NBEA: variants seen among roughly 807,000 people sequenced by gnomAD.
NBEA encodes the protein neurobeachin, also known as lysosomal-trafficking regulator 2.
NBEA carries 44 observed loss-of-function variants against 343.4 expected under a neutral mutation model. That is an observed-to-expected ratio of 0.13 (90% CI 0.10 to 0.16). NBEA has a LOEUF of 0.16. Ranked by LOEUF, NBEA falls within the 10% of genes least tolerant of loss-of-function variation. NBEA has a pLI of 1.00. For synonymous variants in NBEA, 1,175 were observed against 1,238.7 expected (o/e 0.95, Z 1.08); for missense variants, 2,555 against 3,631.3 (o/e 0.70, Z 7.62).
chr13:35,573,401 G>T (rs1306158814), intron 45 of NBEA, among the ~76,000 whole-genome samples: 3 of 152,052 alleles, frequency 2.0e-5, no homozygotes, highest in Admixed American at 2.0e-4. Context: ...CCTTCTAATT[G>T]AAAAAATGGA....
intron 38 of NBEA, among the ~76,000 whole-genome samples, chr13:35,362,838 T>C (rs1280495261): frequency 1.3e-5 from 2 of 151,936 alleles, no homozygotes; most frequent in African/African-American, 2.4e-5. Flanking sequence ...GTCAAAATAA[T>C]AATTTAAATA....
At chr13:35,591,533 A>C (rs2081541308) in intron 46 of NBEA, among the ~76,000 whole-genome samples, 1 of 152,064 alleles carries the variant, frequency 6.6e-6, no homozygotes, top group South Asian at 2.1e-4. Flanking sequence ...GTGAATCAAT[A>C]CTGTCCCCCT....
chr13:35,647,227 T>C (rs2084279150), intron 51 of NBEA, among the ~76,000 whole-genome samples: 1 of 152,152 alleles, frequency 6.6e-6, no homozygotes, highest in South Asian at 2.1e-4. Context: ...TTCTTTAGAA[T>C]TTTTTTTAAA....
At chr13:35,460,346 TG>T (rs2046831498) in intron 40 of NBEA, among the ~76,000 whole-genome samples, 1 of 152,220 alleles carries the variant, frequency 6.6e-6, no homozygotes, top group Admixed American at 6.5e-5. Flanking sequence ...GAAGTTGCTT[TG>T]CCAGTCATAA....
intron 48 of NBEA, among the ~76,000 whole-genome samples, chr13:35,606,863 A>G (rs1483211938): frequency 1.3e-5 from 2 of 152,136 alleles, no homozygotes; most frequent in Non-Finnish European, 2.9e-5. Flanking sequence ...GACTAATATA[A>G]TGTATTCTAA....
At position 35,580,192 on chromosome 13, in the gene NBEA, A is replaced by C. The variant is rs964814330; in HGVS notation, c.7036-3706A>C. ...GTTAAAGTGTTCACCTGTAACATAA[A>C]AGCTAAAAAAGACAAAACAGCAATA... On this transcript the variant is annotated intron_variant, in intron 45 of 58. Transcript: ENST00000379939. Among the ~76,000 whole-genome samples the C allele has an allele frequency of 3.9e-5, 6 of 152,144 alleles. No homozygotes were observed. The East Asian group carries it at 1.2e-3, about 29-fold the overall frequency.
intron 24 of NBEA, among the ~76,000 whole-genome samples, chr13:35,167,041 A>T (rs538154592): frequency 3.3e-5 from 5 of 151,980 alleles, no homozygotes; most frequent in East Asian, 3.9e-4. Flanking sequence ...AATTTTGTTT[A>T]TATATATATA....
chr13:35,065,055 C>G (rs1481706174), intron 8 of NBEA, among the ~76,000 whole-genome samples: 1 of 150,746 alleles, frequency 6.6e-6, no homozygotes, highest in Non-Finnish European at 1.5e-5. Flanking sequence ...TCTATAAGTA[C>G]CTGTGTGTTT....
intron 46 of NBEA, 107 bp downstream of exon 46, chr13:35,584,145 A>G: frequency 9.0e-7 from 1 of 1,110,922 alleles, no homozygotes; most frequent in East Asian, 2.4e-5. Context: ...AAGATTAGAG[A>G]CGAGTGAAGT....
chr13:35,088,426 A>G (rs1593303327), intron 10 of NBEA, among the ~76,000 whole-genome samples: 2 of 151,840 alleles, frequency 1.3e-5, no homozygotes, highest in Admixed American at 6.6e-5. Context: ...ATATAATCCA[A>G]TTTCCATGGT....
At chr13:35,264,880 C>A (rs2033539020) in intron 34 of NBEA, among the ~76,000 whole-genome samples, 1 of 151,688 alleles carries the variant, frequency 6.6e-6, no homozygotes, top group Non-Finnish European at 1.5e-5. Flanking sequence ...AGTAGAAGTC[C>A]TGGACAGAAC....
chr13:34,958,481 T>TA (rs1449833452), intron 1 of NBEA, among the ~76,000 whole-genome samples: 5 of 152,178 alleles, frequency 3.3e-5, no homozygotes, highest in African/African-American at 9.6e-5. Flanking sequence ...TCAGGCCTGT[T>TA]ATATAGTAAA....
intron 35 of NBEA, among the ~76,000 whole-genome samples, chr13:35,307,187 A>G (rs1403176015): frequency 6.6e-6 from 1 of 151,996 alleles, no homozygotes; most frequent in Admixed American, 6.6e-5. Flanking sequence ...TCTTCTTTGT[A>G]ACATCTCTTA....
intron 1 of NBEA, among the ~76,000 whole-genome samples, chr13:35,005,619 T>C (rs17774785): frequency 0.046 from 6,958 of 152,258 alleles, 239 homozygotes; most frequent in Non-Finnish European, 0.067. Context: ...GAGCATTTCT[T>C]CTCTAGTGGA....
chr13:35,157,698 ATCTTT>A (rs901193461), intron 21 of NBEA, among the ~76,000 whole-genome samples: 76 of 152,136 alleles, frequency 5.0e-4, no homozygotes, highest in African/African-American at 1.8e-3. Flanking sequence ...TAATTGCTTT[ATCTTT>A]TCTTTATTTT....
intron 31 of NBEA, among the ~76,000 whole-genome samples, chr13:35,202,280 T>C (rs2073075342): frequency 1.3e-5 from 2 of 152,138 alleles, no homozygotes; most frequent in African/African-American, 4.8e-5. Flanking sequence ...ATATATTGCA[T>C]GGTCAGTTTG....
chr13:35,662,055 A>C (rs1396638928), intron 55 of NBEA, among the ~76,000 whole-genome samples: 1 of 152,172 alleles, frequency 6.6e-6, no homozygotes, highest in Non-Finnish European at 1.5e-5. Context: ...ATTTCTCTAA[A>C]AGCCAGAGAC....
At chr13:35,294,667 C>T (rs1198270533) in intron 35 of NBEA, among the ~76,000 whole-genome samples, 1 of 152,030 alleles carries the variant, frequency 6.6e-6, no homozygotes, top group East Asian at 1.9e-4. Context: ...ATCTATGAAA[C>T]TTGCCAGTTT....
intron 36 of NBEA, among the ~76,000 whole-genome samples, chr13:35,310,736 T>G (rs980122929): frequency 6.6e-6 from 1 of 152,196 alleles, no homozygotes; most frequent in Non-Finnish European, 1.5e-5. Context: ...TGGAATATGA[T>G]GATTATTTGG....
Sources: allele counts gnomAD v4.1 joint callset (sites outside exome capture counted in the v4.1 genomes callset), GRCh38; gene constraint gnomAD v4.1.1; transcripts MANE v1.5; gene names NCBI Gene and HGNC (gene_info 2026-07-23, HGNC 2026-07-21).